The following FAXC variants were observed in gnomAD, a reference collection of about 807,000 sequenced individuals.
FAXC encodes failed axon connections homolog, metaxin like GST domain containing, also known as failed axon connections homolog.
Under a neutral mutation model 41.9 loss-of-function variants are expected in FAXC, and 10 were observed. That is an observed-to-expected ratio of 0.24 (90% CI 0.15 to 0.41). The LOEUF (loss-of-function observed/expected upper bound fraction) is 0.41. FAXC is among the 10% of genes least tolerant of loss of function. FAXC has a pLI of 1.00. For missense variants in FAXC, 399 were observed against 510.9 expected, an observed-to-expected ratio of 0.78 and a Z score of 2.11; for synonymous variants, 183 against 183.8, an observed-to-expected ratio of 1.00 and a Z score of 0.03.
rs776916334 is a variant in FAXC, at chr6:99,323,489, A to C, written c.778T>G (p.Tyr260Asp). 1 of 1,614,256 alleles carries C rather than the reference A, an allele frequency of 6.2e-7. No individual in the cohort carries two copies. The highest frequency in any genetic ancestry group is 1.7e-5 in the Admixed American group (1 of 60,034). Reference protein sequence around the residue: ...GIGRFSEEEIYMLMEKDMRSL... With the variant: ...GIGRFSEEEIDMLMEKDMRSL... Reference sequence around the variant, plus strand: ...CGCATGTCCTTCTCCATCAGCATGTAAATCTCTTCCTCGGAGAAGCGGCCA... The same window carrying C: ...CGCATGTCCTTCTCCATCAGCATGTCAATCTCTTCCTCGGAGAAGCGGCCA... Residue 260 changes from tyrosine (Y) to aspartate (D), a missense_variant, in exon 4 of 6, where the codon TAC becomes GAC. Physicochemically the swap from Tyr to Asp is radical, Grantham distance 160 (BLOSUM62 -3). Around this residue, in one of 3 missense-constraint regions of FAXC, gnomAD observed 239 missense variants for 352.7 expected, o/e 0.68. Coordinates refer to ENST00000389677, the MANE Select transcript of FAXC (RefSeq NM_032511.4).
intron 1 of FAXC, among the ~76,000 whole-genome samples, chr6:99,348,514 CAAT>C (rs1324712570): frequency 6.6e-6 from 1 of 152,188 alleles, no homozygotes; most frequent in African/African-American, 2.4e-5. Flanking sequence ...GCTCACACAA[CAAT>C]GACATCTAAG....
In FAXC at chr6:99,281,458, A is replaced by G. The variant is rs745808607; in HGVS notation, c.941-5T>C. Reference sequence around the variant, plus strand: ...TGGCAAGGTTGATCAGCTCACCTGCAGTGTGGTAAGGAAAGCAAGGATTAG... The same window carrying G: ...TGGCAAGGTTGATCAGCTCACCTGCGGTGTGGTAAGGAAAGCAAGGATTAG... On this transcript the variant is annotated splice_polypyrimidine_tract_variant and splice_region_variant and intron_variant, in intron 5 of 5. Transcript: ENST00000389677. 26 of 1,607,268 alleles carry G rather than the reference A, an allele frequency of 1.6e-5. No homozygotes were observed. The Admixed American group carries it at 4.2e-4, about 26-fold the overall frequency.
intron 1 of FAXC, among the ~76,000 whole-genome samples, chr6:99,345,836 G>C (rs1467584398): frequency 6.6e-6 from 1 of 152,186 alleles, no homozygotes; most frequent in African/African-American, 2.4e-5. Context: ...ATTTAAGATA[G>C]CTGCCAAGCT....
chr6:99,347,535 C>T lies in FAXC; in HGVS notation c.266+1572G>A, dbSNP rs572048791. Among the ~76,000 whole-genome samples the T allele has an allele frequency of 1.4e-3, 214 of 152,300 alleles. 2 individuals are homozygous for T. The highest frequency in any genetic ancestry group is 4.5e-3 in the African/African-American group (186 of 41,558). The stretch of plus-strand genomic sequence containing the variant: ...AGTAGCTATCTGTGGGCAGAGAGCT[C>T]TCCAGTCTCCAGTGACAACACCTGC... On this transcript the variant is annotated intron_variant, in intron 1 of 5. Coordinates refer to ENST00000389677, the MANE Select transcript of FAXC (RefSeq NM_032511.4).
At chr6:99,320,288 G>C (rs1772541243) in intron 4 of FAXC, among the ~76,000 whole-genome samples, 1 of 152,070 alleles carries the variant, frequency 6.6e-6, no homozygotes, top group South Asian at 2.1e-4. Flanking sequence ...AGCAATTCAT[G>C]ATAAATATTA....
chr6:99,315,780 A>G (rs536502809), intron 4 of FAXC, among the ~76,000 whole-genome samples: 1 of 152,342 alleles, frequency 6.6e-6, no homozygotes, highest in East Asian at 1.9e-4. Context: ...GCTATCTGCT[A>G]ACAGCATTCT....
chr6:99,330,123 G>A (rs1488316173), intron 3 of FAXC, among the ~76,000 whole-genome samples: 1 of 151,998 alleles, frequency 6.6e-6, no homozygotes, highest in Non-Finnish European at 1.5e-5. Context: ...GCTTCACAAA[G>A]TGCTGAGATT....
chr6:99,298,268 G>C (rs1403289568), intron 4 of FAXC, among the ~76,000 whole-genome samples: 6 of 149,532 alleles, frequency 4.0e-5, no homozygotes, highest in African/African-American at 1.5e-4. Context: ...ATGAGACCTC[G>C]TTATGTTCCC....
rs186624538 is a variant in FAXC at position 99,284,374 on chromosome 6, A to G, written c.941-2921T>C. Among the ~76,000 whole-genome samples the G allele has an allele frequency of 3.1e-3, 468 of 152,074 alleles. 2 individuals carry two copies. Among genetic ancestry groups the G allele is most frequent in the Middle Eastern group, 0.01 (3 of 294 alleles). ...ATGAGCAAGAGCTGGGAGCCCACAC[A>G]CTCCTCAATTCCTGCCCATGATAAA... On this transcript the variant is annotated intron_variant, in intron 5 of 5. Coordinates refer to ENST00000389677, the MANE Select transcript of FAXC (RefSeq NM_032511.4).
chr6:99,307,932 T>TG (rs1319710377), intron 4 of FAXC, among the ~76,000 whole-genome samples: 4 of 150,330 alleles, frequency 2.7e-5, no homozygotes, highest in African/African-American at 7.3e-5. Context: ...AAATGACATT[T>TG]AAAAAAAAAA....
intron 5 of FAXC, among the ~76,000 whole-genome samples, chr6:99,282,336 A>G (rs1201644559): frequency 1.3e-5 from 2 of 152,174 alleles, no homozygotes; most frequent in African/African-American, 2.4e-5. Context: ...AAGCAGCTGA[A>G]AAAAGTTATG....
At chr6:99,299,178 G>C (rs149041726) in intron 4 of FAXC, among the ~76,000 whole-genome samples, 298 of 152,254 alleles carry the variant, frequency 2.0e-3, no homozygotes, top group African/African-American at 6.2e-3. Context: ...ATCATTATGA[G>C]ATGGTGGACA....
chr6:99,292,735 A>ATAATGTAC (rs1399411671), intron 4 of FAXC, among the ~76,000 whole-genome samples: 1 of 152,240 alleles, frequency 6.6e-6, no homozygotes, highest in African/African-American at 2.4e-5. Context: ...ACAAAATGAC[A>ATAATGTAC]TAATGTACAT....
chr6:99,315,682 T>A, intron 4 of FAXC, among the ~76,000 whole-genome samples: 1 of 152,226 alleles, frequency 6.6e-6, no homozygotes, highest in Admixed American at 6.5e-5. Context: ...CTATTTCTGA[T>A]CCTACTTACT....
At chr6:99,345,670 G>A (rs1773565657) in intron 1 of FAXC, among the ~76,000 whole-genome samples, 1 of 152,246 alleles carries the variant, frequency 6.6e-6, no homozygotes, top group Admixed American at 6.5e-5. Flanking sequence ...GTATACAGCT[G>A]ATGATTTGTT....
chr6:99,330,319 T>C (rs1235752958), intron 3 of FAXC, among the ~76,000 whole-genome samples: 4 of 152,162 alleles, frequency 2.6e-5, no homozygotes, highest in Non-Finnish European at 4.4e-5. Flanking sequence ...CCAAAATCAG[T>C]TTCATTCCAG....
intron 1 of FAXC, among the ~76,000 whole-genome samples, chr6:99,347,016 C>T (rs1773617789): frequency 6.6e-6 from 1 of 152,094 alleles, no homozygotes; most frequent in East Asian, 1.9e-4. Context: ...AAACCCAACA[C>T]TTTGGGAGGC....
In FAXC at chr6:99,272,405, C is replaced by T. The variant is rs1770444152; in HGVS notation, c.*8759G>A. On this transcript the variant is annotated 3_prime_UTR_variant, in exon 6 of 6. Transcript: ENST00000389677. ...GGTCAGGCTGGTCTCAAACTCCCAACCTCAGGTGATCTGCCCACCTTGGCC... is the reference window on the plus strand; with the variant it reads ...GGTCAGGCTGGTCTCAAACTCCCAATCTCAGGTGATCTGCCCACCTTGGCC... The T allele has an allele frequency of 6.6e-6, 1 of 152,256 alleles. No homozygotes were observed. The highest frequency in any genetic ancestry group is 6.6e-5 in the Admixed American group (1 of 15,266). 9.4% of individuals were successfully genotyped at this position (152,256 alleles called of 1,614,324 possible). A position where few individuals can be genotyped will look rare whatever the true frequency, so the allele number is the denominator to read the frequency against.
intron 4 of FAXC, chr6:99,309,803 C>G (rs1326802507): frequency 3.7e-6 from 2 of 544,392 alleles, no homozygotes; most frequent in East Asian, 2.9e-4. Context: ...GCACAGGACT[C>G]CGGTATGAAC....
Sources: allele counts gnomAD v4.1 joint callset (sites outside exome capture counted in the v4.1 genomes callset), GRCh38; gene constraint gnomAD v4.1.1; regional missense constraint gnomAD v4.1.1; transcripts MANE v1.5; gene names NCBI Gene and HGNC (gene_info 2026-07-23, HGNC 2026-07-21).